Variants in NTRK2 observed in about 807,000 individuals in gnomAD.
NTRK2 encodes BDNF/NT-3 growth factors receptor.
A neutral mutation model predicts 94.5 loss-of-function variants in NTRK2; 13 were observed. The ratio of observed to expected loss-of-function variants is 0.14; its 90% CI spans 0.09 to 0.22. The LOEUF is 0.22. Among genes scored for constraint, NTRK2 ranks in the 10% least tolerant of loss-of-function variants. NTRK2 has a pLI of 1.00. For missense variants in NTRK2, 639 were observed against 1,071.2 expected (o/e 0.60, Z 5.63); for synonymous variants, 372 against 407.4 (o/e 0.91, Z 1.05).
intron 12 of NTRK2, among the ~76,000 whole-genome samples, chr9:84,808,982 G>A (rs924771520): frequency 7.2e-5 from 11 of 152,086 alleles, no homozygotes; most frequent in East Asian, 1.9e-4. Flanking sequence ...AAAATGTCTC[G>A]GAGATTTCTA....
chr9:84,730,762 T>TAAAAAAAAA (rs2062809225), intron 9 of NTRK2, among the ~76,000 whole-genome samples: 1 of 6,642 alleles, frequency 1.5e-4, no homozygotes. Flanking sequence ...AAAAAAAAAC[T>TAAAAAAAAA]AAAGAAAAAT....
At chr9:84,921,514 AT>A (rs1554768810) in intron 14 of NTRK2, among the ~76,000 whole-genome samples, 2 of 152,296 alleles carry the variant, frequency 1.3e-5, no homozygotes, top group Middle Eastern at 3.4e-3. Context: ...AAAAAAATAC[AT>A]CTGGTGGCTG....
At chr9:84,804,058 T>C (rs1006804650) in intron 12 of NTRK2, among the ~76,000 whole-genome samples, 9 of 152,182 alleles carry the variant, frequency 5.9e-5, no homozygotes, top group African/African-American at 2.2e-4. Flanking sequence ...AGCTCCAAAC[T>C]CTATTTCTGA....
At chr9:84,928,911 C>A (rs1428666747) in intron 14 of NTRK2, among the ~76,000 whole-genome samples, 1 of 152,044 alleles carries the variant, frequency 6.6e-6, no homozygotes, top group Non-Finnish European at 1.5e-5. Context: ...GTTGCTTTAT[C>A]CTTGTCATAT....
chr9:84,885,863 C>G (rs2076397069), intron 14 of NTRK2, among the ~76,000 whole-genome samples: 1 of 152,074 alleles, frequency 6.6e-6, no homozygotes, highest in African/African-American at 2.4e-5. Flanking sequence ...GAAACCCCCT[C>G]TCTACTAAAA....
At chr9:84,679,039 C>A (rs2131371660) in intron 2 of NTRK2, among the ~76,000 whole-genome samples, 1 of 152,284 alleles carries the variant, frequency 6.6e-6, no homozygotes, top group Non-Finnish European at 1.5e-5. Context: ...CTTGTTTGTC[C>A]TTCCTGCCAT....
intron 17 of NTRK2, among the ~76,000 whole-genome samples, chr9:85,009,244 G>A (rs1166480481): frequency 6.6e-6 from 1 of 152,222 alleles, no homozygotes; most frequent in African/African-American, 2.4e-5. Context: ...TGTATCCAAT[G>A]TTAAAGATGA....
intron 12 of NTRK2, chr9:84,812,426 G>A (rs2071910790): frequency 9.5e-7 from 1 of 1,055,452 alleles, no homozygotes. Flanking sequence ...CCATTTGAAT[G>A]TAAGGGCAGC....
At chr9:84,909,841 T>C (rs1031123102) in intron 14 of NTRK2, among the ~76,000 whole-genome samples, 1 of 152,164 alleles carries the variant, frequency 6.6e-6, no homozygotes, top group East Asian at 1.9e-4. Flanking sequence ...CCTATGTCAT[T>C]TATAGGACTT....
chr9:84,697,225 A>G (rs1381610038), intron 2 of NTRK2, among the ~76,000 whole-genome samples: 1 of 152,074 alleles, frequency 6.6e-6, no homozygotes, highest in East Asian at 1.9e-4. Context: ...GGGAAGCTCA[A>G]TTTTCTGAGA....
chr9:84,864,005 TGAG>T (rs1403676018), intron 13 of NTRK2, among the ~76,000 whole-genome samples: 1 of 152,116 alleles, frequency 6.6e-6, no homozygotes, highest in African/African-American at 2.4e-5. Flanking sequence ...TATCCCTTAG[TGAG>T]GAAGGAGAAG....
chr9:84,760,302 C>T (rs913205734), intron 12 of NTRK2, among the ~76,000 whole-genome samples: 1 of 152,098 alleles, frequency 6.6e-6, no homozygotes, highest in Non-Finnish European at 1.5e-5. Context: ...GTATCTGTCT[C>T]TTTAAACTAA....
At chr9:84,973,086 T>C (rs1182891160) in intron 17 of NTRK2, among the ~76,000 whole-genome samples, 1 of 152,248 alleles carries the variant, frequency 6.6e-6, no homozygotes, top group Non-Finnish European at 1.5e-5. Flanking sequence ...TATCTCATTA[T>C]ATTTATGACA....
At chr9:84,876,789 T>C (rs1378448879) in intron 14 of NTRK2, 1 of 1,061,216 alleles carries the variant, frequency 9.4e-7, no homozygotes, top group African/African-American at 1.6e-5. Flanking sequence ...GCTTGAGCCT[T>C]ATTTAGAAGG....
At chr9:85,016,124 G>T (rs1342612579) in intron 17 of NTRK2, among the ~76,000 whole-genome samples, 1 of 152,182 alleles carries the variant, frequency 6.6e-6, no homozygotes, top group Non-Finnish European at 1.5e-5. Flanking sequence ...GATTACGGTG[G>T]CACTGAGGTG....
intron 12 of NTRK2, chr9:84,815,159 G>A (rs199824012): frequency 3.0e-5 from 32 of 1,057,104 alleles, no homozygotes; most frequent in African/African-American, 3.0e-4. Context: ...ACAAAAGAAC[G>A]TCCCAGCCAC....
intron 14 of NTRK2, among the ~76,000 whole-genome samples, chr9:84,915,329 TGA>T: frequency 6.6e-6 from 1 of 152,214 alleles, no homozygotes; most frequent in Non-Finnish European, 1.5e-5. Context: ...TGGATCCTGG[TGA>T]GAGATGTTTG....
chr9:84,882,719 T>TGTGTGTGC (rs761042296), intron 14 of NTRK2, among the ~76,000 whole-genome samples: 32 of 145,832 alleles, frequency 2.2e-4, no homozygotes, highest in African/African-American at 6.6e-4. Flanking sequence ...TGTGTGTGTG[T>TGTGTGTGC]GCGCGCGCGC....
chr9:84,771,443 A>G (rs2066534041), intron 12 of NTRK2, among the ~76,000 whole-genome samples: 1 of 152,204 alleles, frequency 6.6e-6, no homozygotes, highest in Non-Finnish European at 1.5e-5. Context: ...CAATGATGGC[A>G]TGGCCATCTA....
Sources: allele counts gnomAD v4.1 joint callset (sites outside exome capture counted in the v4.1 genomes callset), GRCh38; gene constraint gnomAD v4.1.1; transcripts MANE v1.5; gene names NCBI Gene and HGNC (gene_info 2026-07-23, HGNC 2026-07-21).